The following REPS2 variants were observed in gnomAD, a reference collection of about 807,000 sequenced individuals.
REPS2 encodes the protein ralBP1-associated Eps domain-containing protein 2.
REPS2 carries 23 observed loss-of-function variants against 53.6 expected under a neutral mutation model. The ratio of observed to expected loss-of-function variants is 0.43; its 90% CI spans 0.31 to 0.61. The LOEUF is 0.61. REPS2 is among the 20% of genes least tolerant of loss of function. The pLI is 0.11. For synonymous variants in REPS2, 238 were observed against 218.6 expected (o/e 1.09, Z -0.78); for missense variants, 446 against 534.9 (o/e 0.83, Z 1.64).
rs34737090 is a variant in REPS2 at position 17,011,961 on chromosome X, C to CA, written c.397+5634dup. On this transcript the variant is annotated intron_variant, in intron 2 of 17. Coordinates refer to ENST00000357277, the MANE Select transcript of REPS2 (RefSeq NM_004726.3). ...TGGGCAACAGAGTGAGACTATATCT[C>CA]AAAAAAAAAAAAAAAAACCAACCCC... Among the ~76,000 whole-genome samples, 405 of 67,514 alleles carry CA rather than the reference C, an allele frequency of 6.0e-3. 8 individuals are homozygous for CA. The South Asian group carries it at 0.12, about 20-fold the overall frequency. 58.6% of individuals were successfully genotyped at this position (67,514 alleles called of 115,157 possible).
chrX:17,074,229 A>G, intron 12 of REPS2, 70 bp downstream of exon 12: 4 of 970,126 alleles, frequency 4.1e-6, no homozygotes, highest in Non-Finnish European at 5.8e-6. Context: ...AGAACCACAA[A>G]CCAAAACCCA....
chrX:17,028,614 A>T (rs2061674639), intron 4 of REPS2, among the ~76,000 whole-genome samples: 1 of 112,491 alleles, frequency 8.9e-6, no homozygotes, highest in African/African-American at 3.2e-5. Context: ...GTGATTTATC[A>T]TTCTTGATGT....
intron 14 of REPS2, among the ~76,000 whole-genome samples, chrX:17,106,732 A>T (rs2062880070): frequency 9.0e-6 from 1 of 111,611 alleles, no homozygotes; most frequent in Admixed American, 9.5e-5. Context: ...TAATTTATAG[A>T]TTCAATGATA....
chrX:17,141,587 A>T (rs947673743), intron 17 of REPS2, among the ~76,000 whole-genome samples: 2 of 111,959 alleles, frequency 1.8e-5, no homozygotes, highest in Non-Finnish European at 3.8e-5. Context: ...TTTCTGAGAA[A>T]CTGCTAGATC....
intron 1 of REPS2, among the ~76,000 whole-genome samples, chrX:16,980,133 GTC>G (rs1023258095): frequency 6.7e-5 from 7 of 103,956 alleles, no homozygotes; most frequent in African/African-American, 2.5e-4. Flanking sequence ...TTTTGAGGCA[GTC>G]TTTCTCTGTT....
intron 1 of REPS2, among the ~76,000 whole-genome samples, chrX:16,963,836 C>T (rs1386731710): frequency 9.0e-6 from 1 of 110,879 alleles, no homozygotes; most frequent in African/African-American, 3.3e-5. Context: ...AAGAGATGAG[C>T]TCTGAGCTGT....
intron 3 of REPS2, among the ~76,000 whole-genome samples, chrX:17,024,119 T>C (rs1157401965): frequency 1.0e-5 from 1 of 100,419 alleles, no homozygotes; most frequent in African/African-American, 4.0e-5. Flanking sequence ...CAAGACCTCA[T>C]TTCAAAAAAA....
the REPS2 span, among the ~76,000 whole-genome samples, chrX:17,175,504 G>A: frequency 8.9e-6 from 1 of 112,101 alleles, no homozygotes; most frequent in Non-Finnish European, 1.9e-5. Context: ...TTCTCAAATT[G>A]GGAAGGGACA....
chrX:17,065,374 C>T (rs1399987705), intron 9 of REPS2, among the ~76,000 whole-genome samples: 2 of 112,052 alleles, frequency 1.8e-5, no homozygotes, highest in Non-Finnish European at 3.8e-5. Context: ...TGATTAATGA[C>T]GTTGAGCATC....
At chrX:16,991,845 C>T (rs755961681) in intron 1 of REPS2, among the ~76,000 whole-genome samples, 5 of 111,539 alleles carry the variant, frequency 4.5e-5, no homozygotes, top group East Asian at 2.8e-4. Flanking sequence ...AGCCAGGGAC[C>T]GCCTGCGGCT....
intron 14 of REPS2, among the ~76,000 whole-genome samples, chrX:17,133,264 T>G (rs1046648799): frequency 8.1e-5 from 9 of 111,497 alleles, no homozygotes; most frequent in African/African-American, 2.9e-4. Flanking sequence ...TCCTTTAGCG[T>G]CCCCTTCAGC....
intron 17 of REPS2, among the ~76,000 whole-genome samples, chrX:17,140,855 C>G (rs1208662717): frequency 9.2e-6 from 1 of 108,776 alleles, no homozygotes; most frequent in Non-Finnish European, 1.9e-5. Flanking sequence ...ACTGCAAGCT[C>G]CGCCTCCTGG....
chrX:16,953,441 C>A (rs761727613), intron 1 of REPS2, among the ~76,000 whole-genome samples: 320 of 111,429 alleles, frequency 2.9e-3, no homozygotes, highest in Non-Finnish European at 4.5e-3. Flanking sequence ...GGTCCCATTC[C>A]CCTCCCTCCC....
intron 1 of REPS2, among the ~76,000 whole-genome samples, chrX:16,957,993 C>T (rs759427615): frequency 1.8e-5 from 2 of 112,033 alleles, no homozygotes; most frequent in Non-Finnish European, 3.8e-5. Context: ...ACCATGGTAG[C>T]AGCCAACATT....
At position 16,994,289 on chromosome X, in the gene REPS2, T is replaced by TTA. The variant is rs758732203; in HGVS notation, c.274-11928_274-11927dup. Among the ~76,000 whole-genome samples, 156 of 111,714 alleles carry TTA rather than the reference T, an allele frequency of 1.4e-3. 1 individual carries two copies. The highest frequency in any genetic ancestry group is 4.6e-3 in the Middle Eastern group (1 of 218). On this transcript the variant is annotated intron_variant, in intron 1 of 17. Coordinates refer to ENST00000357277, the MANE Select transcript of REPS2 (RefSeq NM_004726.3). ...AAAGAAAATATATCAAAAATATATT[T>TTA]TATATGTGTGTGTGTATGTATATGT...
intron 13 of REPS2, chrX:17,099,854 G>A (rs757393263): frequency 1.7e-4 from 107 of 626,379 alleles, no homozygotes; most frequent in South Asian, 2.8e-4. Context: ...CAACCCGTGG[G>A]CATTTGACAT....
chrX:17,068,135 A>T (rs2062249997), intron 9 of REPS2, among the ~76,000 whole-genome samples: 1 of 110,267 alleles, frequency 9.1e-6, no homozygotes, highest in African/African-American at 3.3e-5. Context: ...AACACAGTGA[A>T]AGCCCTTCTC....
At chrX:17,031,008 C>T (rs757099495) in intron 5 of REPS2, among the ~76,000 whole-genome samples, 1 of 112,558 alleles carries the variant, frequency 8.9e-6, no homozygotes, top group Non-Finnish European at 1.9e-5. Context: ...AGGGCCAGTA[C>T]AGCTCAGTTT....
At chrX:17,114,658 A>G (rs1310339407) in intron 14 of REPS2, among the ~76,000 whole-genome samples, 1 of 112,700 alleles carries the variant, frequency 8.9e-6, no homozygotes, top group Non-Finnish European at 1.9e-5. Flanking sequence ...TTTAGAGACC[A>G]GCTCTCAGAA....
Sources: gnomAD v4.1 joint callset for allele counts (sites outside exome capture counted in the v4.1 genomes callset) on GRCh38, gnomAD v4.1.1 for gene constraint, MANE v1.5 for transcripts, NCBI Gene and HGNC (gene_info 2026-07-23, HGNC 2026-07-21) for gene names.